Variants in DENND2B observed in about 807,000 individuals in gnomAD.
DENND2B encodes the protein DENN domain-containing protein 2B.
DENND2B carries 32 observed loss-of-function variants against 116.0 expected under a neutral mutation model. That is an observed-to-expected ratio of 0.28 (90% CI 0.21 to 0.37). The LOEUF is 0.37. Ranked by LOEUF, DENND2B falls within the 10% of genes least tolerant of loss-of-function variation. The pLI is 1.00. For missense variants in DENND2B, 1,276 were observed against 1,477.7 expected (o/e 0.86, Z 2.24); for synonymous variants, 588 against 583.9 (o/e 1.01, Z -0.10).
At chr11:8,848,529 T>G (rs1475839909) in intron 3 of DENND2B, among the ~76,000 whole-genome samples, 1 of 152,130 alleles carries the variant, frequency 6.6e-6, no homozygotes, top group Admixed American at 6.6e-5. Flanking sequence ...GAATAACAGA[T>G]GATATTAAGG....
intron 1 of DENND2B, among the ~76,000 whole-genome samples, chr11:8,899,055 ATAATT>A (rs1157804763): frequency 1.3e-5 from 2 of 152,216 alleles, no homozygotes; most frequent in African/African-American, 4.8e-5. Context: ...TGAAAAGAAA[ATAATT>A]GAAATGAAAA....
intron 14 of DENND2B, 115 bp from the exon 15 acceptor site, chr11:8,699,505 TG>T: frequency 9.2e-7 from 1 of 1,087,338 alleles, no homozygotes; most frequent in Non-Finnish European, 1.3e-6. Flanking sequence ...AAAATGCTAA[TG>T]GGGTTCAGGG....
rs1354657080 is a variant in DENND2B at position 8,881,009 on chromosome 11, C to T, written c.-156+1G>A. 6.6e-6 allele frequency: 1 copy of T among 152,176 alleles called. No homozygotes were observed. Among genetic ancestry groups the T allele is most frequent in the Non-Finnish European group, 1.5e-5 (1 of 68,038 alleles). 9.4% of individuals were successfully genotyped at this position (152,176 alleles called of 1,614,324 possible). On this transcript the variant is annotated splice_donor_variant, in intron 2 of 22. Transcript: ENST00000534127. LOFTEE classifies it low-confidence loss of function (5UTR_SPLICE). Reference sequence around the variant, plus strand: ...TACTTATTTTGAAGAACGACCCTTACCCATGTTGAATCTCCTGTTTCCTTC... The same window carrying T: ...TACTTATTTTGAAGAACGACCCTTATCCATGTTGAATCTCCTGTTTCCTTC...
chr11:8,763,598 T>C (rs2055071899), intron 1 of DENND2B, among the ~76,000 whole-genome samples: 2 of 150,556 alleles, frequency 1.3e-5, no homozygotes, highest in Admixed American at 6.7e-5. Context: ...AATCTCTCCA[T>C]TATTCTGAAT....
chr11:8,737,121 A>G (rs931990320), intron 2 of DENND2B, among the ~76,000 whole-genome samples: 4 of 152,238 alleles, frequency 2.6e-5, no homozygotes, highest in Admixed American at 2.6e-4. Context: ...CAGCATCAGG[A>G]TATTTGGCCT....
intron 2 of DENND2B, among the ~76,000 whole-genome samples, chr11:8,867,625 C>CTGCAG (rs2063630511): frequency 8.4e-6 from 1 of 118,732 alleles, no homozygotes; most frequent in East Asian, 2.9e-4. Context: ...GTCACTCAGG[C>CTGCAG]TGCAGTGCAG....
At chr11:8,777,915 A>G (rs751035113) in intron 1 of DENND2B, among the ~76,000 whole-genome samples, 10 of 152,210 alleles carry the variant, frequency 6.6e-5, no homozygotes, top group Non-Finnish European at 1.3e-4. Context: ...GTTGCTTTTT[A>G]TAGCATGAAC....
At chr11:8,900,430 C>A (rs1434534326) in intron 1 of DENND2B, among the ~76,000 whole-genome samples, 90 of 114,652 alleles carry the variant, frequency 7.8e-4, no homozygotes, top group African/African-American at 1.3e-3. Context: ...GACTCCATCT[C>A]AAAAAAAAAA....
chr11:8,732,084 T>A (rs1381084053), intron 2 of DENND2B, among the ~76,000 whole-genome samples: 1 of 151,730 alleles, frequency 6.6e-6, no homozygotes, highest in Non-Finnish European at 1.5e-5. Context: ...CAGGAAAGAG[T>A]CTTTTCCACT....
chr11:8,815,618 C>T (rs1316513178), upstream of DENND2B, among the ~76,000 whole-genome samples: 7 of 152,198 alleles, frequency 4.6e-5, no homozygotes, highest in Non-Finnish European at 7.3e-5. Context: ...CAAGGTCCAA[C>T]TCATTTATCA....
At chr11:8,764,753 T>G (rs1301587633) in intron 1 of DENND2B, among the ~76,000 whole-genome samples, 1 of 152,120 alleles carries the variant, frequency 6.6e-6, no homozygotes, top group Admixed American at 6.6e-5. Flanking sequence ...AAGACCAGCC[T>G]GACCAACATG....
chr11:8,819,434 G>T (rs1014311098), intron 4 of DENND2B, among the ~76,000 whole-genome samples: 2 of 152,054 alleles, frequency 1.3e-5, no homozygotes, highest in African/African-American at 2.4e-5. Context: ...TGGGATATTT[G>T]TGTAACCTCA....
At chr11:8,729,466 G>A (rs1481870166) in intron 3 of DENND2B, among the ~76,000 whole-genome samples, 1 of 152,226 alleles carries the variant, frequency 6.6e-6, no homozygotes, top group Non-Finnish European at 1.5e-5. Flanking sequence ...GCCTTCAGGA[G>A]AGAAGGAATT....
upstream of DENND2B, chr11:8,810,806 G>GTCTCTCACTGTCTCTCTCTCTCTCTCTC (rs1555203545): frequency 7.1e-6 from 1 of 140,236 alleles, no homozygotes; most frequent in African/African-American, 2.8e-5. Context: ...CTTTCTCACT[G>GTCTCTCACTGTCTCTCTCTCTCTCTCTC]TCTCTCTCTC....
At chr11:8,741,130 T>C (rs1320150608) in intron 2 of DENND2B, among the ~76,000 whole-genome samples, 2 of 152,224 alleles carry the variant, frequency 1.3e-5, no homozygotes, top group Non-Finnish European at 2.9e-5. Flanking sequence ...ACTGGGGCTA[T>C]ATCTAGGCCA....
At chr11:8,744,069 A>C (rs2050760321) in intron 2 of DENND2B, among the ~76,000 whole-genome samples, 1 of 150,736 alleles carries the variant, frequency 6.6e-6, no homozygotes, top group Non-Finnish European at 1.5e-5. Flanking sequence ...TCTTGAAGTG[A>C]TTTGTATGTG....
At chr11:8,857,261 C>T (rs536956000) in intron 3 of DENND2B, 2 of 152,294 alleles carry the variant, frequency 1.3e-5, no homozygotes, top group South Asian at 4.1e-4. Flanking sequence ...AATTTCATGT[C>T]ATCTTCTCCA....
Position 8,715,530 on chromosome 11 carries a change from G to T in DENND2B, c.1845+73C>A, listed in dbSNP as rs754388103. On this transcript the variant is annotated intron_variant, in intron 6 of 19. Coordinates refer to ENST00000313726, the MANE Select transcript of DENND2B (RefSeq NM_213618.2). The stretch of plus-strand genomic sequence containing the variant: ...CAGATTAGGGAAGGAAGGAAGCCAG[G>T]AAAGAGAGAGAAAGGCTGGCTGCCT... The T allele has an allele frequency of 2.0e-6, 3 of 1,498,134 alleles. No individual in the cohort carries two copies. In the East Asian group the frequency reaches 6.8e-5, roughly 34 times the overall value. The allele number at this position is 1,498,134 out of a possible 1,614,324, so 92.8% of individuals were successfully genotyped here.
intron 4 of DENND2B, chr11:8,719,291 AAC>A: frequency 1.1e-6 from 1 of 942,656 alleles, no homozygotes; most frequent in Non-Finnish European, 1.3e-6. Flanking sequence ...ACTTATGCAG[AAC>A]CACAACGAAT....
Sources: gnomAD v4.1 joint callset for allele counts (sites outside exome capture counted in the v4.1 genomes callset) on GRCh38, gnomAD v4.1.1 for gene constraint, MANE v1.5 for transcripts, NCBI Gene and HGNC (gene_info 2026-07-23, HGNC 2026-07-21) for gene names.